Variants in BAZ1B observed in about 807,000 individuals in gnomAD.
The protein encoded by BAZ1B is tyrosine-protein kinase BAZ1B.
Under a neutral mutation model 153.8 loss-of-function variants are expected in BAZ1B, and 22 were observed. The observed-to-expected ratio is 0.14, with a 90% CI of 0.10 to 0.20. The LOEUF (loss-of-function observed/expected upper bound fraction) is 0.20, where lower values mean the gene tolerates loss of function less well. Among genes scored for constraint, BAZ1B ranks in the 10% least tolerant of loss-of-function variants. The probability of loss-of-function intolerance (pLI) is 1.00; values close to 1 mark genes in which losing one functional copy is unlikely to be tolerated. For synonymous variants in BAZ1B, 676 were observed against 633.4 expected, an observed-to-expected ratio of 1.07 and a Z score of -1.01; for missense variants, 1,325 against 1,799.3, an observed-to-expected ratio of 0.74 and a Z score of 4.77.
intron 9 of BAZ1B, among the ~76,000 whole-genome samples, chr7:73,467,379 T>A (rs909129469): frequency 5.3e-5 from 8 of 152,094 alleles, no homozygotes; most frequent in Non-Finnish European, 8.8e-5. Flanking sequence ...TTATTTTTTT[T>A]AATTTTTTGA....
rs1554573084 is a variant in BAZ1B, at chr7:73,477,791, T to C, written c.1670A>G (p.Lys557Arg). ...TCGTTCTTTGGCTTTTTCCTTCAACTTCTTTTTCAGCTCCTCCCGTTTCTT... is the reference window on the plus strand; with the variant it reads ...TCGTTCTTTGGCTTTTTCCTTCAACCTCTTTTTCAGCTCCTCCCGTTTCTT... ...LKKKREELKK[K>R]LKEKAKERRE... The change falls in exon 7 of 20, where the codon AAG becomes AGG. Residue 557 changes from lysine to arginine, a missense_variant. Coordinates refer to ENST00000339594, the MANE Select transcript of BAZ1B (RefSeq NM_032408.4). The surrounding 1 kb of genome is among the most constrained non-coding windows in gnomAD (Gnocchi z 5.6). 6.2e-7 allele frequency: 1 copy of C among 1,614,220 alleles called. No homozygotes were observed. Among genetic ancestry groups the C allele is most frequent in the Non-Finnish European group, 8.5e-7 (1 of 1,180,042 alleles).
chr7:73,456,937 C>CAAAAAAA lies in BAZ1B; in HGVS notation c.3432+2592_3432+2598dup, dbSNP rs71071937. 2.0e-4 allele frequency among the ~76,000 whole-genome samples: 8 copies of CAAAAAAA among 39,582 alleles called. 1 individual carries two copies. The highest frequency in any genetic ancestry group is 4.7e-4 in the Admixed American group (1 of 2,142). 26.0% of individuals were successfully genotyped at this position (39,582 alleles called of 152,430 possible). ...GGCCTCGGCGACAGAGACTCTGTCT[C>CAAAAAAA]AAAAAAAAAAAAAAAAAAAAAAAAA... On this transcript the variant is annotated intron_variant, in intron 13 of 19. Coordinates refer to ENST00000339594, the MANE Select transcript of BAZ1B (RefSeq NM_032408.4).
At chr7:73,481,474 G>A (rs979846571) in intron 6 of BAZ1B, among the ~76,000 whole-genome samples, 2 of 144,482 alleles carry the variant, frequency 1.4e-5, no homozygotes, top group Non-Finnish European at 3.0e-5. Flanking sequence ...CCGAGATGGC[G>A]CCACTGCACT....
rs1554578440 is a variant in BAZ1B, at chr7:73,510,603, T to C, written c.224+133A>G. Reference sequence around the variant, plus strand: ...TTAGGCAAAGGAACCCAGAAACCCATACAGTACACTAATGTAATATAGTCT... The same window carrying C: ...TTAGGCAAAGGAACCCAGAAACCCACACAGTACACTAATGTAATATAGTCT... On this transcript the variant is annotated intron_variant, in intron 2 of 19. Transcript: ENST00000339594. 14 of 843,896 alleles carry C rather than the reference T, an allele frequency of 1.7e-5. No individual in the cohort carries two copies. The Middle Eastern group carries it at 6.9e-4, about 41-fold the overall frequency. The allele number at this position is 843,896 out of a possible 1,614,324, so 52.3% of individuals were successfully genotyped here.
chr7:73,448,215 A>C (rs1381613284), intron 15 of BAZ1B, among the ~76,000 whole-genome samples: 1 of 152,170 alleles, frequency 6.6e-6, no homozygotes, highest in African/African-American at 2.4e-5. Flanking sequence ...GAGGCAGCAG[A>C]ATCGCTTGAA....
chr7:73,464,222 C>G (rs1216903749), intron 11 of BAZ1B: 1 of 938,374 alleles, frequency 1.1e-6, no homozygotes. Context: ...AAATTGAGCA[C>G]AGAGTCAGCA....
At position 73,477,655 on chromosome 7, in the gene BAZ1B, C is replaced by T; in HGVS notation, c.1806G>A (p.Leu602=). 1.2e-6 allele frequency: 2 copies of T among 1,614,212 alleles called. No individual in the cohort carries two copies. Among genetic ancestry groups the T allele is most frequent in the African/African-American group, 1.3e-5 (1 of 75,058 alleles). Residue 602 remains leucine, a synonymous_variant, in exon 7 of 20, where the codon CTG becomes CTA. Coordinates refer to ENST00000339594, the MANE Select transcript of BAZ1B (RefSeq NM_032408.4). This position sits in a 1 kb window ranked among gnomAD's most constrained non-coding sequence, Gnocchi z 5.6. ...AFRLVDTPEG[L]PNTLFGDVAM... ...CCACATCCCCAAACAGCGTGTTGGG[C>T]AGCCCTTCAGGGGTATCCACCAATC...
intron 1 of BAZ1B, among the ~76,000 whole-genome samples, chr7:73,519,969 AG>A (rs1195927071): frequency 6.6e-6 from 1 of 152,164 alleles, no homozygotes; most frequent in Non-Finnish European, 1.5e-5. Flanking sequence ...GTACTTTGGG[AG>A]GCCGAGATGG....
chr7:73,462,600 G>C, intron 12 of BAZ1B: 1 of 312,724 alleles, frequency 3.2e-6, no homozygotes, highest in South Asian at 3.0e-5. Flanking sequence ...ACACCTGAAA[G>C]CACAGGCATC....
chr7:73,499,361 G>T (rs1170983501), intron 3 of BAZ1B, among the ~76,000 whole-genome samples: 4 of 152,020 alleles, frequency 2.6e-5, no homozygotes, highest in Non-Finnish European at 4.4e-5. Flanking sequence ...ACTGTATATG[G>T]ATATACAAAT....
chr7:73,488,996 A>T (rs1431414046), intron 6 of BAZ1B, among the ~76,000 whole-genome samples, 198 bp downstream of exon 6: 2 of 152,206 alleles, frequency 1.3e-5, no homozygotes, highest in African/African-American at 4.8e-5. Context: ...AAATAAATTG[A>T]ACTGGGGAAG....
chr7:73,472,903 G>A (rs1788864252), intron 7 of BAZ1B, among the ~76,000 whole-genome samples: 1 of 149,836 alleles, frequency 6.7e-6, no homozygotes, highest in South Asian at 2.1e-4. Flanking sequence ...ATTATAGGCC[G>A]AGTAGCTGGA....
chr7:73,450,702 C>T lies in BAZ1B; in HGVS notation c.3580+145G>A, dbSNP rs1563364450. On this transcript the variant is annotated intron_variant, in intron 14 of 19. Coordinates refer to ENST00000339594, the MANE Select transcript of BAZ1B (RefSeq NM_032408.4). The surrounding 1 kb of genome is among the most constrained non-coding windows in gnomAD (Gnocchi z 4.1). ...CCTGGCACGACATTTCAAAGACTGG[C>T]ATGTTACAGACCTGCAGGAGAGTAA... 7 of 884,720 alleles carry T rather than the reference C, an allele frequency of 7.9e-6. No individual in the cohort carries two copies. Among genetic ancestry groups the T allele is most frequent in the Non-Finnish European group, 1.2e-5 (7 of 589,804 alleles). The allele number at this position is 884,720 out of a possible 1,614,324, so 54.8% of individuals were successfully genotyped here. A position where few individuals can be genotyped will look rare whatever the true frequency, so the allele number is the denominator to read the frequency against.
chr7:73,492,096 G>GA (rs1265576184), intron 5 of BAZ1B, among the ~76,000 whole-genome samples: 11 of 147,438 alleles, frequency 7.5e-5, no homozygotes, highest in Non-Finnish European at 1.5e-4. Context: ...AGGTTCAAGC[G>GA]AGTCTCCTGC....
chr7:73,499,796 G>C (rs1168842432), intron 3 of BAZ1B, among the ~76,000 whole-genome samples: 5 of 152,076 alleles, frequency 3.3e-5, no homozygotes, highest in African/African-American at 1.2e-4. Flanking sequence ...TTTATCCCTG[G>C]TTATATTCTT....
intron 13 of BAZ1B, among the ~76,000 whole-genome samples, chr7:73,452,596 C>T (rs1406829115): frequency 1.3e-5 from 2 of 151,858 alleles, no homozygotes; most frequent in Non-Finnish European, 1.5e-5. Flanking sequence ...GTGATGTGTG[C>T]CTGTAGTCCC....
At chr7:73,482,220 A>G (rs17400042) in intron 6 of BAZ1B, among the ~76,000 whole-genome samples, 3,168 of 152,324 alleles carry the variant, frequency 0.021, 44 homozygotes, top group Non-Finnish European at 0.031. Context: ...CCAGAACTGT[A>G]TTTCAAAATG....
intron 3 of BAZ1B, among the ~76,000 whole-genome samples, chr7:73,505,169 A>T (rs138913287): frequency 6.6e-6 from 1 of 152,304 alleles, no homozygotes; most frequent in East Asian, 1.9e-4. Flanking sequence ...AATAACATGT[A>T]AAGATAAAGG....
In BAZ1B at chr7:73,459,729, G is replaced by C. The variant is rs782241039; in HGVS notation, c.3250-11C>G. 1.9e-6 allele frequency: 3 copies of C among 1,572,044 alleles called. No individual in the cohort carries two copies. Among genetic ancestry groups the C allele is most frequent in the South Asian group, 1.2e-5 (1 of 85,026 alleles). Reference sequence around the variant, plus strand: ...CTCTAATGAAATGACCTATAGGAAAGGATTTTAAAACCAGACTGAGAAAAG... The same window carrying C: ...CTCTAATGAAATGACCTATAGGAAACGATTTTAAAACCAGACTGAGAAAAG... On this transcript the variant is annotated splice_polypyrimidine_tract_variant and intron_variant, in intron 12 of 19. Transcript: ENST00000339594.
Sources: gnomAD v4.1 joint callset for allele counts (sites outside exome capture counted in the v4.1 genomes callset) on GRCh38, gnomAD v4.1.1 for gene constraint, Gnocchi (gnomAD v3.1) non-coding constraint, MANE v1.5 for transcripts, NCBI Gene and HGNC (gene_info 2026-07-23, HGNC 2026-07-21) for gene names.